The following SLC2A2 variants were observed in gnomAD, a reference collection of about 807,000 sequenced individuals.
SLC2A2 encodes the protein solute carrier family 2 member 2.
A neutral mutation model predicts 54.5 loss-of-function variants in SLC2A2; 36 were observed. That is an observed-to-expected ratio of 0.66 (90% CI 0.51 to 0.87). The LOEUF is 0.87. Among genes scored for constraint, SLC2A2 ranks in the 40% least tolerant of loss-of-function variants. The pLI is 0.00. For synonymous variants in SLC2A2, 223 were observed against 219.1 expected, an observed-to-expected ratio of 1.02 and a Z score of -0.16; for missense variants, 543 against 624.3, an observed-to-expected ratio of 0.87 and a Z score of 1.39.
intron 1 of SLC2A2, among the ~76,000 whole-genome samples, chr3:171,024,193 T>C (rs1385757228): frequency 6.6e-6 from 1 of 152,198 alleles, no homozygotes; most frequent in Non-Finnish European, 1.5e-5. Flanking sequence ...AATAATGTGG[T>C]CTTCCTATAA....
At chr3:171,012,551 T>C (rs1233521202) in intron 3 of SLC2A2, among the ~76,000 whole-genome samples, 1 of 152,118 alleles carries the variant, frequency 6.6e-6, no homozygotes, top group Non-Finnish European at 1.5e-5. Context: ...CCCAAAACTA[T>C]AAAATGGTGG....
intron 7 of SLC2A2, among the ~76,000 whole-genome samples, chr3:171,003,034 C>T (rs750679042): frequency 6.6e-6 from 1 of 151,978 alleles, no homozygotes; most frequent in Non-Finnish European, 1.5e-5. Context: ...ATGTAACTAG[C>T]ACCCAGATCA....
chr3:170,998,280 T>C lies in SLC2A2; in HGVS notation c.1287A>G (p.Gln429=). Residue 429 remains glutamine (Q), a synonymous_variant, in exon 10 of 11, where the codon CAA becomes CAG. Coordinates refer to ENST00000314251, the MANE Select transcript of SLC2A2 (RefSeq NM_000340.2). ...PWFMVAEFFS[Q]GPRPAALAIA... is the part of the protein sequence containing the mutation. ...TTGCTAAAGCAGCAGGACGTGGTCCTTGACTGAAAAACTCAGCCACCATGA... is the reference window on the plus strand; with the variant it reads ...TTGCTAAAGCAGCAGGACGTGGTCCCTGACTGAAAAACTCAGCCACCATGA... The C allele has an allele frequency of 6.2e-7, 1 of 1,613,864 alleles. No homozygotes were observed. The highest frequency in any genetic ancestry group is 8.5e-7 in the Non-Finnish European group (1 of 1,179,822).
intron 4 of SLC2A2, chr3:171,007,516 C>T (rs1440863066): frequency 4.3e-6 from 2 of 466,652 alleles, no homozygotes; most frequent in Admixed American, 3.4e-5. Context: ...ATTACATCAT[C>T]TTATTTAATT....
chr3:171,010,160 A>T, intron 3 of SLC2A2, 78 bp from the exon 4 acceptor site: 1 of 1,449,154 alleles, frequency 6.9e-7, no homozygotes, highest in Non-Finnish European at 9.6e-7. Flanking sequence ...GCATGTTGAG[A>T]TTTTTTTTAA....
intron 5 of SLC2A2, among the ~76,000 whole-genome samples, chr3:171,006,704 C>T (rs1715620925): frequency 6.6e-6 from 1 of 152,014 alleles, no homozygotes; most frequent in Non-Finnish European, 1.5e-5. Context: ...ATAGACTCAG[C>T]TGAACAGGAG....
Position 171,016,794 on chromosome 3 carries a change from G to A in SLC2A2, c.108+1737C>T, listed in dbSNP as rs555027326. ...TCTGGCTCTGGGACTTGGATTGAAG[G>A]AGGTGAAACCTTAGCCTAAGCTTCC... is the stretch of plus-strand genomic sequence containing the variant. On this transcript the variant is annotated intron_variant, in intron 2 of 10. Transcript: ENST00000314251. Among the ~76,000 whole-genome samples, 10 of 152,206 alleles carry A rather than the reference G, an allele frequency of 6.6e-5. No individual in the cohort carries two copies. In the East Asian group the frequency reaches 1.9e-3, roughly 29 times the overall value.
At chr3:171,019,118 TATATAC>T (rs1457267512) in intron 1 of SLC2A2, among the ~76,000 whole-genome samples, 5 of 5,720 alleles carry the variant, frequency 8.7e-4, no homozygotes, top group East Asian at 5.8e-3. Context: ...TATATATATA[TATATAC>T]GTATGTATAT....
At position 171,006,002 on chromosome 3, in the gene SLC2A2, C is replaced by G; in HGVS notation, c.716G>C (p.Cys239Ser). 1 of 1,612,628 alleles carries G rather than the reference C, an allele frequency of 6.2e-7. No homozygotes were observed. The highest frequency in any genetic ancestry group is 8.5e-7 in the Non-Finnish European group (1 of 1,179,094). ...AILQSLLLFFCPESPRYLYIK... is the reference protein window; with the variant it reads ...AILQSLLLFFSPESPRYLYIK... The stretch of plus-strand genomic sequence containing the variant: ...GTAAAGGTATCTGGGGCTTTCTGGA[C>G]AGAAAAAGAGTAGCAGAGACTGAAG... The change falls in exon 6 of 11, where the codon TGT (cysteine) becomes TCT (serine). Residue 239 changes from cysteine (C) to serine (S), a missense_variant. By Grantham distance (112) the Cys-to-Ser change is moderately radical (BLOSUM62 -1). Transcript: ENST00000314251.
At chr3:171,020,475 TTCTC>T (rs1716403713) in intron 1 of SLC2A2, among the ~76,000 whole-genome samples, 1 of 152,150 alleles carries the variant, frequency 6.6e-6, no homozygotes, top group Admixed American at 6.6e-5. Context: ...TAACACTTCT[TTCTC>T]TGAAAGAAAG....
rs1254821796 is a variant in SLC2A2 at position 171,007,086 on chromosome 3, AGTG to A, written c.612+59_612+61del. 7 of 882,518 alleles carry A rather than the reference AGTG, an allele frequency of 7.9e-6. No homozygotes were observed. In the African/African-American group the frequency reaches 1.2e-4, roughly 15 times the overall value. The allele number at this position is 882,518 out of a possible 1,614,324, so 54.7% of individuals were successfully genotyped here. On this transcript the variant is annotated intron_variant, in intron 5 of 10. Coordinates refer to ENST00000314251, the MANE Select transcript of SLC2A2 (RefSeq NM_000340.2). ...GTACAGTAGGGGATGCAATAGTAGT[AGTG>A]GTACTGTAGAGGATGAAGTAGATGG... is the stretch of plus-strand genomic sequence containing the variant.
At chr3:170,998,827 G>A (rs567865208) in intron 9 of SLC2A2, among the ~76,000 whole-genome samples, 1 of 152,238 alleles carries the variant, frequency 6.6e-6, no homozygotes, top group South Asian at 2.1e-4. Context: ...CTCTAACCAT[G>A]GGTACATGGC....
chr3:171,024,815 A>G (rs986653943), intron 1 of SLC2A2, among the ~76,000 whole-genome samples: 8 of 152,278 alleles, frequency 5.3e-5, no homozygotes, highest in East Asian at 1.9e-4. Flanking sequence ...TACTTCTTTC[A>G]AAGTCTGGAT....
chr3:171,023,081 T>C (rs1716535651), intron 1 of SLC2A2, among the ~76,000 whole-genome samples: 1 of 152,130 alleles, frequency 6.6e-6, no homozygotes, highest in Non-Finnish European at 1.5e-5. Context: ...CATTTAGAAA[T>C]CTTAGCGTGT....
In SLC2A2 at chr3:170,999,206, C is replaced by A; in HGVS notation, c.1069-40G>T. On this transcript the variant is annotated intron_variant, in intron 8 of 10. Coordinates refer to ENST00000314251, the MANE Select transcript of SLC2A2 (RefSeq NM_000340.2). ...AAGAAATTATCTCAGTTTTGTGAGT[C>A]ACAAAATATTGACTGTTTACTTAAA... 3 of 1,307,744 alleles carry A rather than the reference C, an allele frequency of 2.3e-6. No homozygotes were observed. The South Asian group carries it at 3.5e-5, about 15-fold the overall frequency. The allele number at this position is 1,307,744 out of a possible 1,614,324, so 81.0% of individuals were successfully genotyped here. A position where few individuals can be genotyped will look rare whatever the true frequency, so the allele number is the denominator to read the frequency against.
In SLC2A2 at chr3:170,997,010, T is replaced by C. The variant is rs1246377006; in HGVS notation, c.*893A>G. 3 of 189,488 alleles carry C rather than the reference T, an allele frequency of 1.6e-5. No individual in the cohort carries two copies. Among genetic ancestry groups the C allele is most frequent in the Non-Finnish European group, 2.1e-5 (2 of 93,116 alleles). 11.7% of individuals were successfully genotyped at this position (189,488 alleles called of 1,614,324 possible). ...CTTACATTAGATTTGATCAAACTTA[T>C]TAGGAATTTGAGGTAATATACCAAA... On this transcript the variant is annotated 3_prime_UTR_variant, in exon 11 of 11. Coordinates refer to ENST00000314251, the MANE Select transcript of SLC2A2 (RefSeq NM_000340.2).
intron 1 of SLC2A2, among the ~76,000 whole-genome samples, chr3:171,024,438 G>T (rs191039842): frequency 3.3e-5 from 5 of 152,154 alleles, no homozygotes; most frequent in African/African-American, 4.8e-5. Flanking sequence ...TGTGGGAACC[G>T]AGAGCTGATG....
chr3:171,023,246 G>A (rs933118180), intron 1 of SLC2A2, among the ~76,000 whole-genome samples: 3 of 152,114 alleles, frequency 2.0e-5, no homozygotes, highest in African/African-American at 7.2e-5. Context: ...TTTTAAGCAG[G>A]TCATTTGAAT....
At chr3:171,004,693 A>G (rs183189515) in intron 7 of SLC2A2, among the ~76,000 whole-genome samples, 5 of 152,032 alleles carry the variant, frequency 3.3e-5, no homozygotes, top group Admixed American at 6.6e-5. Context: ...CAGGGGTTTC[A>G]GTGTAAGACC....
Sources: gnomAD v4.1 joint callset for allele counts (sites outside exome capture counted in the v4.1 genomes callset) on GRCh38, gnomAD v4.1.1 for gene constraint, MANE v1.5 for transcripts, NCBI Gene and HGNC (gene_info 2026-07-23, HGNC 2026-07-21) for gene names.